HS3ST4: variants seen among roughly 807,000 people sequenced by gnomAD.
The protein encoded by HS3ST4 is heparan sulfate glucosamine 3-O-sulfotransferase 4.
In HS3ST4, 17 loss-of-function variants were observed where a neutral mutation model predicts 29.2. The ratio of observed to expected loss-of-function variants is 0.58; its 90% CI spans 0.40 to 0.87. The LOEUF is 0.87. HS3ST4 is among the 40% of genes least tolerant of loss of function. The pLI is 0.00. For missense variants in HS3ST4, 627 were observed against 634.5 expected (o/e 0.99, Z 0.13); for synonymous variants, 314 against 285.7 (o/e 1.10, Z -1.00).
At chr16:25,746,296 G>A (rs776569954) in intron 1 of HS3ST4, among the ~76,000 whole-genome samples, 1 of 152,174 alleles carries the variant, frequency 6.6e-6, no homozygotes, top group Non-Finnish European at 1.5e-5. Context: ...GGATCAGCCA[G>A]GGAATATGGC....
chr16:25,928,527 C>G (rs956445968), intron 1 of HS3ST4, among the ~76,000 whole-genome samples: 1 of 152,184 alleles, frequency 6.6e-6, no homozygotes, highest in African/African-American at 2.4e-5. Context: ...AAGCACACCT[C>G]CAGACCACCT....
At chr16:25,838,527 C>G (rs140034137) in intron 1 of HS3ST4, among the ~76,000 whole-genome samples, 1 of 152,324 alleles carries the variant, frequency 6.6e-6, no homozygotes, top group East Asian at 1.9e-4. Flanking sequence ...CTCTCTGTTA[C>G]TGGTAAAATT....
chr16:25,971,307 G>A (rs1050497072), intron 1 of HS3ST4, among the ~76,000 whole-genome samples: 2 of 152,164 alleles, frequency 1.3e-5, no homozygotes, highest in Non-Finnish European at 2.9e-5. Context: ...TGTATCTGAT[G>A]GAAGCCTGCT....
chr16:26,026,658 C>T (rs894466200), intron 1 of HS3ST4, among the ~76,000 whole-genome samples: 3 of 152,058 alleles, frequency 2.0e-5, no homozygotes, highest in Non-Finnish European at 4.4e-5. Flanking sequence ...AAACCTTTCC[C>T]AGAAGCTCCC....
intron 1 of HS3ST4, among the ~76,000 whole-genome samples, chr16:25,852,413 T>C (rs1967530961): frequency 6.6e-6 from 1 of 152,148 alleles, no homozygotes; most frequent in Non-Finnish European, 1.5e-5. Context: ...CACCTAGGTA[T>C]TAAGTCCAGC....
At chr16:26,016,583 T>C (rs775776738) in intron 1 of HS3ST4, among the ~76,000 whole-genome samples, 2 of 152,208 alleles carry the variant, frequency 1.3e-5, no homozygotes, top group Non-Finnish European at 1.5e-5. Flanking sequence ...ATTAAATTTT[T>C]TAAAATGTGT....
chr16:25,947,234 T>C (rs1968635484), intron 1 of HS3ST4, among the ~76,000 whole-genome samples: 1 of 152,184 alleles, frequency 6.6e-6, no homozygotes, highest in Non-Finnish European at 1.5e-5. Context: ...AACTTCAACA[T>C]TGTTTTTAGG....
chr16:25,894,697 G>A (rs1381286340), intron 1 of HS3ST4, among the ~76,000 whole-genome samples: 8 of 151,882 alleles, frequency 5.3e-5, no homozygotes, highest in Admixed American at 6.6e-5. Context: ...ATAGAGACAG[G>A]GTTTCACCAT....
chr16:25,747,638 A>G (rs1373886225), intron 1 of HS3ST4, among the ~76,000 whole-genome samples: 1 of 152,220 alleles, frequency 6.6e-6, no homozygotes, highest in Non-Finnish European at 1.5e-5. Context: ...TGGAAGAACC[A>G]GAACTCAAGC....
chr16:26,034,836 A>G (rs997765513), intron 1 of HS3ST4, among the ~76,000 whole-genome samples: 3 of 152,156 alleles, frequency 2.0e-5, no homozygotes, highest in African/African-American at 7.2e-5. Context: ...ATAAATAATT[A>G]GCTGGGTGTG....
intron 1 of HS3ST4, among the ~76,000 whole-genome samples, chr16:25,997,073 A>C (rs1032342850): frequency 6.6e-6 from 1 of 152,172 alleles, no homozygotes; most frequent in Non-Finnish European, 1.5e-5. Flanking sequence ...ATTTTTGTAC[A>C]TTTATCTCAC....
chr16:25,860,706 G>T (rs4491506), intron 1 of HS3ST4, among the ~76,000 whole-genome samples: 11,202 of 152,230 alleles, frequency 0.074, 469 homozygotes, highest in African/African-American at 0.12. Context: ...GGTGGCCAAG[G>T]TCTGGGGATA....
At chr16:25,950,821 T>C (rs1968676933) in intron 1 of HS3ST4, among the ~76,000 whole-genome samples, 1 of 151,988 alleles carries the variant, frequency 6.6e-6, no homozygotes, top group Admixed American at 6.6e-5. Flanking sequence ...CCTCCGGGGG[T>C]TGTCATGAGG....
intron 1 of HS3ST4, among the ~76,000 whole-genome samples, chr16:25,887,691 A>ATTTTTT (rs768447504): frequency 1.3e-4 from 12 of 91,506 alleles, no homozygotes; most frequent in Admixed American, 2.4e-4. Context: ...GCTACACCTG[A>ATTTTTT]TTTTTTTTTT....
chr16:25,699,092 A>G (rs570246364), intron 1 of HS3ST4, among the ~76,000 whole-genome samples: 27 of 152,364 alleles, frequency 1.8e-4, no homozygotes, highest in African/African-American at 4.8e-4. Context: ...GGGGGCCAAC[A>G]TTGTGGGACA....
chr16:25,828,298 T>TCTCTCTCTCTCTCTCTCTCTCTC (rs1567249508), intron 1 of HS3ST4, among the ~76,000 whole-genome samples: 2 of 27,886 alleles, frequency 7.2e-5, no homozygotes, highest in African/African-American at 1.4e-4. Flanking sequence ...CTTTCTTTCT[T>TCTCTCTCTCTCTCTCTCTCTCTC]TCCCTCTCTC....
rs1898284016 is a variant in HS3ST4, at chr16:26,136,343, G to A, written c.*95G>A. 3 of 1,189,034 alleles carry A rather than the reference G, an allele frequency of 2.5e-6. No individual in the cohort carries two copies. The highest frequency in any genetic ancestry group is 2.1e-4 in the Middle Eastern group (1 of 4,812). 73.7% of individuals were successfully genotyped at this position (1,189,034 alleles called of 1,614,324 possible). A position where few individuals can be genotyped will look rare whatever the true frequency, so the allele number is the denominator to read the frequency against. On this transcript the variant is annotated 3_prime_UTR_variant, in exon 2 of 2. Transcript: ENST00000331351. ...AGCTTCTGCAGCTTCACTTGCTGGA[G>A]TGCCAAGTAGATCTCCTCCTCCTTC... is the stretch of plus-strand genomic sequence containing the variant.
chr16:25,882,979 C>G (rs1019932419), intron 1 of HS3ST4, among the ~76,000 whole-genome samples: 1 of 152,134 alleles, frequency 6.6e-6, no homozygotes, highest in Non-Finnish European at 1.5e-5. Flanking sequence ...ATGGATCTTG[C>G]TCACTTTCCT....
At chr16:25,873,159 C>G (rs944264503) in intron 1 of HS3ST4, among the ~76,000 whole-genome samples, 1 of 152,012 alleles carries the variant, frequency 6.6e-6, no homozygotes, top group Admixed American at 6.6e-5. Flanking sequence ...GTCCATCCAC[C>G]CATCACCCAC....
Sources: gnomAD v4.1 joint callset for allele counts (sites outside exome capture counted in the v4.1 genomes callset) on GRCh38, gnomAD v4.1.1 for gene constraint, MANE v1.5 for transcripts, NCBI Gene and HGNC (gene_info 2026-07-23, HGNC 2026-07-21) for gene names.